Variants in IL18 observed in about 807,000 individuals in gnomAD.
The protein encoded by IL18 is interleukin 18.
In IL18, 8 loss-of-function variants were observed where a neutral mutation model predicts 14.2. That is an observed-to-expected ratio of 0.56 (90% confidence interval 0.33 to 1.01). The LOEUF is 1.01. IL18 is among the 50% of genes least tolerant of loss of function. The probability of loss-of-function intolerance (pLI) is 0.03; values close to 1 mark genes in which losing one functional copy is unlikely to be tolerated. For missense variants in IL18, 166 were observed against 231.1 expected, an observed-to-expected ratio of 0.72 and a Z score of 1.83; for synonymous variants, 67 against 71.0, an observed-to-expected ratio of 0.94 and a Z score of 0.28.
chr11:112,153,774 G>C (rs1282696198), intron 2 of IL18, among the ~76,000 whole-genome samples, 171 bp from the exon 3 acceptor site: 1 of 151,912 alleles, frequency 6.6e-6, no homozygotes, highest in East Asian at 1.9e-4. Context: ...CATCCAAAAG[G>C]CCCATAAAAT....
At position 112,143,664 on chromosome 11, in the gene IL18, G is replaced by A. The variant is rs1175522917; in HGVS notation, c.514C>T (p.Leu172Phe). 1.2e-6 allele frequency: 2 copies of A among 1,612,592 alleles called. No homozygotes were observed. Among genetic ancestry groups the A allele is most frequent in the Middle Eastern group, 1.6e-4 (1 of 6,084 alleles). Residue 172 changes from leucine (L) to phenylalanine (F), a missense_variant, in exon 6 of 6, where the codon CTC becomes TTC. Transcript: ENST00000280357. ...ACEKERDLFK[L>F]ILKKEDELGD... ...AATTCATCCTCTTTTTTCAAAATGAGTTTAAAAAGGTCTCTCTCTTTTTCA... is the reference window on the plus strand; with the variant it reads ...AATTCATCCTCTTTTTTCAAAATGAATTTAAAAAGGTCTCTCTCTTTTTCA...
chr11:112,154,736 T>G (rs1393823681), intron 2 of IL18, among the ~76,000 whole-genome samples: 1 of 152,208 alleles, frequency 6.6e-6, no homozygotes, highest in Non-Finnish European at 1.5e-5. Context: ...GTGCACTTAC[T>G]GCCAACTGGA....
intron 3 of IL18, among the ~76,000 whole-genome samples, chr11:112,152,773 TATC>T (rs1380011000): frequency 6.6e-6 from 1 of 152,174 alleles, no homozygotes; most frequent in Non-Finnish European, 1.5e-5. Context: ...GGGGTCCCAA[TATC>T]ATCAGGTTGC....
chr11:112,162,955 A>AT (rs1272923204), intron 1 of IL18, among the ~76,000 whole-genome samples: 1 of 151,892 alleles, frequency 6.6e-6, no homozygotes, highest in African/African-American at 2.4e-5. Context: ...GTAATTTTTT[A>AT]TTTTTTTGTA....
At position 112,155,014 on chromosome 11, in the gene IL18, C is replaced by A. The variant is rs1354475224; in HGVS notation, c.40G>T (p.Val14Leu). Residue 14 changes from valine (V) to leucine (L), a missense_variant, in exon 2 of 6, where the codon GTG (valine) becomes TTG (leucine). Transcript: ENST00000280357. ...GTATTGTCAATAAATTTCATTGCCA[C>A]AAAGTTGATGCAATTGTCTTCTACT... is the stretch of plus-strand genomic sequence containing the variant. ...EPVEDNCINF[V>L]AMKFIDNTLY... 3 of 1,612,960 alleles carry A rather than the reference C, an allele frequency of 1.9e-6. 1 individual carries two copies. The African/African-American group carries it at 4.0e-5, about 22-fold the overall frequency.
At chr11:112,160,774 A>C (rs991523666) in intron 1 of IL18, among the ~76,000 whole-genome samples, 1 of 152,184 alleles carries the variant, frequency 6.6e-6, no homozygotes, top group Non-Finnish European at 1.5e-5. Context: ...CTGAAAACAG[A>C]ATTTTAAAAA....
chr11:112,144,875 AG>A (rs1866308747), intron 5 of IL18, among the ~76,000 whole-genome samples: 3 of 152,220 alleles, frequency 2.0e-5, no homozygotes, highest in African/African-American at 7.2e-5. Context: ...AGAAATGGTT[AG>A]ATTACTTGAA....
intron 1 of IL18, among the ~76,000 whole-genome samples, chr11:112,157,628 C>T (rs1352826430): frequency 6.6e-6 from 1 of 152,092 alleles, no homozygotes; most frequent in Non-Finnish European, 1.5e-5. Flanking sequence ...AAGGTTACCA[C>T]AGAAAGTGAT....
intron 4 of IL18, among the ~76,000 whole-genome samples, chr11:112,149,764 G>A (rs1160776338): frequency 6.6e-6 from 1 of 151,646 alleles, no homozygotes; most frequent in African/African-American, 2.4e-5. Flanking sequence ...AGCATTTTCA[G>A]CTGTAACAAG....
chr11:112,153,511 C>A, intron 3 of IL18, 81 bp downstream of exon 3: 14 of 875,666 alleles, frequency 1.6e-5, no homozygotes, highest in East Asian at 2.8e-5. Context: ...TTTTTTTTTT[C>A]CTCAGCTGAC....
intron 1 of IL18, among the ~76,000 whole-genome samples, chr11:112,159,282 G>T (rs1866587952): frequency 6.6e-6 from 1 of 152,096 alleles, no homozygotes; most frequent in Non-Finnish European, 1.5e-5. Context: ...GGCTGTGGTT[G>T]CAGTGAAGTG....
chr11:112,155,502 C>G (rs1301396192), intron 1 of IL18, among the ~76,000 whole-genome samples: 8 of 152,146 alleles, frequency 5.3e-5, no homozygotes, highest in Admixed American at 5.2e-4. Flanking sequence ...ACTTCATTGT[C>G]AAAATGCTAA....
chr11:112,158,046 G>A (rs1030606121), intron 1 of IL18, among the ~76,000 whole-genome samples: 2 of 152,096 alleles, frequency 1.3e-5, no homozygotes, highest in African/African-American at 4.8e-5. Context: ...AGTAGAGACG[G>A]GTTTCTCCAT....
At chr11:112,159,445 C>T (rs1866592705) in intron 1 of IL18, among the ~76,000 whole-genome samples, 1 of 151,844 alleles carries the variant, frequency 6.6e-6, no homozygotes, top group African/African-American at 2.4e-5. Flanking sequence ...GTTGATGAGG[C>T]TATAAATTAA....
chr11:112,151,023 T>C, intron 3 of IL18: 1 of 152,232 alleles, frequency 6.6e-6, no homozygotes, highest in East Asian at 1.9e-4. Context: ...AATTTGCCAA[T>C]CATCCTTTCT....
intron 1 of IL18, among the ~76,000 whole-genome samples, chr11:112,156,749 C>T (rs531286901): frequency 5.4e-4 from 82 of 151,414 alleles, no homozygotes; most frequent in African/African-American, 1.9e-3. Context: ...CTGGCCAACA[C>T]ATTTAAATAA....
At chr11:112,153,401 C>G (rs1398264041) in intron 3 of IL18, 191 bp downstream of exon 3, 1 of 420,144 alleles carries the variant, frequency 2.4e-6, no homozygotes, top group Non-Finnish European at 4.4e-6. Context: ...GCATCTTTTG[C>G]TAGAGGTTCT....
intron 2 of IL18, 41 bp from the exon 3 acceptor site, chr11:112,153,644 T>C (rs1357953904): frequency 6.9e-7 from 1 of 1,452,548 alleles, no homozygotes; most frequent in Non-Finnish European, 9.4e-7. Flanking sequence ...ATGTAAAATT[T>C]TGTATTTCGA....
chr11:112,156,647 G>A (rs1204623252), intron 1 of IL18, among the ~76,000 whole-genome samples: 3 of 151,882 alleles, frequency 2.0e-5, no homozygotes, highest in East Asian at 3.9e-4. Context: ...GTTTCACCAC[G>A]TTGCCCAGGG....
Sources: allele counts gnomAD v4.1 joint callset (sites outside exome capture counted in the v4.1 genomes callset), GRCh38; gene constraint gnomAD v4.1.1; transcripts MANE v1.5; gene names NCBI Gene and HGNC (gene_info 2026-07-23, HGNC 2026-07-21).